The following RNLS variants were observed in gnomAD, a reference collection of about 807,000 sequenced individuals.
RNLS encodes renalase.
In RNLS, 39 loss-of-function variants were observed where a neutral mutation model predicts 39.8. The ratio of observed to expected loss-of-function variants is 0.98; its 90% CI spans 0.76 to 1.28. The LOEUF (loss-of-function observed/expected upper bound fraction) is 1.28, where lower values mean the gene tolerates loss of function less well. Ranked by LOEUF, RNLS falls within the 50% of genes most tolerant of loss-of-function variation. The pLI, the probability that RNLS is intolerant of heterozygous loss-of-function variation, is 0.00. For missense variants in RNLS, 410 were observed against 413.3 expected (o/e 0.99, Z 0.07); for synonymous variants, 147 against 150.7 (o/e 0.98, Z 0.18).
chr10:88,509,197 A>T (rs193003077), intron 4 of RNLS, among the ~76,000 whole-genome samples: 58 of 152,222 alleles, frequency 3.8e-4, no homozygotes, highest in African/African-American at 1.3e-3. Context: ...TCACTTTTTA[A>T]AAAACTGTAT....
At chr10:88,449,177 A>C (rs1321280868) in intron 4 of RNLS, among the ~76,000 whole-genome samples, 3 of 152,168 alleles carry the variant, frequency 2.0e-5, no homozygotes, top group African/African-American at 7.2e-5. Flanking sequence ...AAACAAAAAA[A>C]CACAATGTTT....
intron 5 of RNLS, 97 bp from the exon 6 acceptor site, chr10:88,314,738 A>G (rs1268759711): frequency 9.9e-7 from 1 of 1,012,108 alleles, no homozygotes; most frequent in Non-Finnish European, 1.4e-6. Flanking sequence ...GATCACAATA[A>G]TCAAGCAATA....
chr10:88,282,444 T>C (rs1409643081), downstream of RNLS, among the ~76,000 whole-genome samples: 1 of 150,678 alleles, frequency 6.6e-6, no homozygotes, highest in African/African-American at 2.5e-5. Context: ...CTCTGCTTAT[T>C]TCACAGAGGT....
At chr10:88,462,052 A>G (rs1842954538) in intron 4 of RNLS, among the ~76,000 whole-genome samples, 1 of 152,062 alleles carries the variant, frequency 6.6e-6, no homozygotes, top group Non-Finnish European at 1.5e-5. Flanking sequence ...TTGTTGCCCT[A>G]TAAATTAAGT....
chr10:88,464,222 T>C (rs1356686967), intron 4 of RNLS, among the ~76,000 whole-genome samples: 1 of 152,110 alleles, frequency 6.6e-6, no homozygotes, highest in African/African-American at 2.4e-5. Context: ...AGAAAGCTTG[T>C]AGAAACAGCA....
the RNLS span, among the ~76,000 whole-genome samples, chr10:88,247,506 C>A: frequency 1.3e-5 from 2 of 152,332 alleles, no homozygotes; most frequent in Non-Finnish European, 2.9e-5. Flanking sequence ...CTTGGGCCAG[C>A]TATTCTCTCT....
At chr10:88,193,909 C>A in the RNLS span, among the ~76,000 whole-genome samples, 2 of 152,170 alleles carry the variant, frequency 1.3e-5, no homozygotes, top group East Asian at 3.8e-4. Context: ...TGTCAAAATT[C>A]GACATGCATG....
chr10:88,259,196 A>G, the RNLS span: 1 of 152,252 alleles, frequency 6.6e-6, no homozygotes, highest in Admixed American at 6.5e-5. Context: ...ACTTATGTCC[A>G]TTTAGCAAAG....
intron 4 of RNLS, among the ~76,000 whole-genome samples, chr10:88,545,770 A>G (rs1848274977): frequency 6.6e-6 from 1 of 152,200 alleles, no homozygotes; most frequent in Non-Finnish European, 1.5e-5. Context: ...TTATCTCAAA[A>G]GATAATTTTT....
At chr10:88,310,338 C>G (rs1027021621) in intron 6 of RNLS, among the ~76,000 whole-genome samples, 1 of 152,168 alleles carries the variant, frequency 6.6e-6, no homozygotes, top group Non-Finnish European at 1.5e-5. Context: ...ATAACATTTA[C>G]AGCAGGTGTT....
At position 88,421,033 on chromosome 10, in the gene RNLS, C is replaced by T. The variant is rs569327290; in HGVS notation, c.527-58308G>A. 5.9e-5 allele frequency among the ~76,000 whole-genome samples: 9 copies of T among 152,332 alleles called. No individual in the cohort carries two copies. The East Asian group carries it at 9.7e-4, about 16-fold the overall frequency. The stretch of plus-strand genomic sequence containing the variant: ...GGCATATGCTGAGACCACTGAGGAA[C>T]GTCCCACCCCTGTTTCATGGGATAA... On this transcript the variant is annotated intron_variant, in intron 4 of 6. Transcript: ENST00000331772.
intron 6 of RNLS, among the ~76,000 whole-genome samples, chr10:88,275,259 TTA>T (rs1842775634): frequency 6.6e-6 from 1 of 152,180 alleles, no homozygotes; most frequent in Non-Finnish European, 1.5e-5. Context: ...CTTATTTCAG[TTA>T]TAAAAAATTC....
At chr10:88,560,194 G>T (rs1849092657) in intron 4 of RNLS, among the ~76,000 whole-genome samples, 1 of 152,098 alleles carries the variant, frequency 6.6e-6, no homozygotes, top group Non-Finnish European at 1.5e-5. Flanking sequence ...AAACAAATCT[G>T]CTTGATGGTT....
At chr10:88,538,864 C>T (rs1392691171) in intron 4 of RNLS, among the ~76,000 whole-genome samples, 2 of 152,000 alleles carry the variant, frequency 1.3e-5, no homozygotes, top group East Asian at 1.9e-4. Context: ...AGTTACTAGC[C>T]CCATTTAATT....
chr10:88,440,584 C>T (rs1841656104), intron 4 of RNLS, among the ~76,000 whole-genome samples: 1 of 152,218 alleles, frequency 6.6e-6, no homozygotes, highest in Admixed American at 6.5e-5. Flanking sequence ...CTTTGTATCC[C>T]TTACCTCTAT....
chr10:88,502,553 C>G (rs1201805202), intron 4 of RNLS, among the ~76,000 whole-genome samples: 1 of 152,132 alleles, frequency 6.6e-6, no homozygotes, highest in East Asian at 1.9e-4. Flanking sequence ...GCTGCCCAGT[C>G]TTGGACTTTT....
chr10:88,375,017 T>C (rs1564743899), intron 4 of RNLS, among the ~76,000 whole-genome samples: 1 of 152,190 alleles, frequency 6.6e-6, no homozygotes, highest in Admixed American at 6.6e-5. Context: ...ACTAAGCCAG[T>C]TTCCTTCTTA....
the RNLS span, among the ~76,000 whole-genome samples, chr10:88,189,767 C>G: frequency 1.3e-5 from 2 of 152,230 alleles, no homozygotes; most frequent in Non-Finnish European, 2.9e-5. Context: ...ATTCTTATCT[C>G]TTAATGAATC....
intron 4 of RNLS, among the ~76,000 whole-genome samples, chr10:88,432,864 T>C (rs1855217425): frequency 6.6e-6 from 1 of 152,048 alleles, no homozygotes; most frequent in African/African-American, 2.4e-5. Flanking sequence ...TCTTATTGTT[T>C]ATAAGCAAAT....
Sources: gnomAD v4.1 joint callset for allele counts (sites outside exome capture counted in the v4.1 genomes callset) on GRCh38, gnomAD v4.1.1 for gene constraint, MANE v1.5 for transcripts, NCBI Gene and HGNC (gene_info 2026-07-23, HGNC 2026-07-21) for gene names.